Variants in ARFIP1 observed in about 807,000 individuals in gnomAD.
ARFIP1 encodes the protein arfaptin-1.
In ARFIP1, 24 loss-of-function variants were observed where a neutral mutation model predicts 42.5. That is an observed-to-expected ratio of 0.57 (90% confidence interval 0.41 to 0.80). The LOEUF is 0.80. ARFIP1 is among the 30% of genes least tolerant of loss of function. The probability of loss-of-function intolerance (pLI) is 0.00; values close to 1 mark genes in which losing one functional copy is unlikely to be tolerated. For synonymous variants in ARFIP1, 141 were observed against 153.7 expected (o/e 0.92, Z 0.61); for missense variants, 354 against 434.0 (o/e 0.82, Z 1.64).
chr4:152,876,481 A>G (rs1735341144), intron 5 of ARFIP1, among the ~76,000 whole-genome samples: 1 of 152,252 alleles, frequency 6.6e-6, no homozygotes, highest in Admixed American at 6.5e-5. Context: ...AAAGCATTCA[A>G]GTGGTGACTT....
intron 1 of ARFIP1, among the ~76,000 whole-genome samples, chr4:152,787,107 T>C (rs547958892): frequency 6.6e-6 from 1 of 152,358 alleles, no homozygotes; most frequent in African/African-American, 2.4e-5. Context: ...TTTTCTTTTT[T>C]GGCTCATTTT....
chr4:152,897,406 C>T (rs1393511015), intron 8 of ARFIP1, among the ~76,000 whole-genome samples: 5 of 151,962 alleles, frequency 3.3e-5, no homozygotes, highest in Admixed American at 3.3e-4. Flanking sequence ...AAAAGCTTTC[C>T]AGGAAGGATA....
At chr4:152,891,874 A>AT (rs111902405) in intron 8 of ARFIP1, among the ~76,000 whole-genome samples, 73 of 145,440 alleles carry the variant, frequency 5.0e-4, no homozygotes, top group Admixed American at 6.2e-4. Context: ...TGCCCAGTTA[A>AT]TTTTTTTTTT....
chr4:152,808,456 C>G (rs1578842861), intron 1 of ARFIP1, among the ~76,000 whole-genome samples: 1 of 151,350 alleles, frequency 6.6e-6, no homozygotes, highest in Non-Finnish European at 1.5e-5. Flanking sequence ...CTTGTACTTG[C>G]CTTTTAATGG....
At chr4:152,894,881 T>C (rs1737181149) in intron 8 of ARFIP1, among the ~76,000 whole-genome samples, 1 of 152,232 alleles carries the variant, frequency 6.6e-6, no homozygotes, top group Non-Finnish European at 1.5e-5. Flanking sequence ...TGCCGAACAC[T>C]AACATCACTT....
At chr4:152,792,387 C>T (rs1731191392) in intron 1 of ARFIP1, among the ~76,000 whole-genome samples, 1 of 151,748 alleles carries the variant, frequency 6.6e-6, no homozygotes, top group African/African-American at 2.4e-5. Flanking sequence ...GTGAATTTTG[C>T]TTTAGATTCT....
At chr4:152,878,337 C>G (rs576783130) in intron 5 of ARFIP1, among the ~76,000 whole-genome samples, 64 of 152,280 alleles carry the variant, frequency 4.2e-4, no homozygotes, top group African/African-American at 1.4e-3. Flanking sequence ...ATAATATATA[C>G]TGATCTCCAA....
At chr4:152,815,203 CT>C in intron 1 of ARFIP1, among the ~76,000 whole-genome samples, 1 of 152,164 alleles carries the variant, frequency 6.6e-6, no homozygotes, top group South Asian at 2.1e-4. Flanking sequence ...TCTCTACAGA[CT>C]TTCTAGGGCA....
intron 2 of ARFIP1, among the ~76,000 whole-genome samples, chr4:152,848,085 A>G (rs1732707470): frequency 6.6e-6 from 1 of 152,144 alleles, no homozygotes; most frequent in Non-Finnish European, 1.5e-5. Flanking sequence ...GTATTCGTTC[A>G]GTAGAACTAC....
chr4:152,843,707 G>A (rs1395159930), intron 2 of ARFIP1, among the ~76,000 whole-genome samples: 3 of 152,118 alleles, frequency 2.0e-5, no homozygotes, highest in Non-Finnish European at 2.9e-5. Flanking sequence ...GGGAAAGCCG[G>A]CAGTCACAGG....
intron 1 of ARFIP1, 114 bp from the exon 2 acceptor site, chr4:152,829,511 G>T: frequency 1.7e-6 from 1 of 589,052 alleles, no homozygotes; most frequent in Non-Finnish European, 2.9e-6. Context: ...CAAGTATTTG[G>T]TAGGTTGCAA....
chr4:152,908,995 A>G lies in ARFIP1; in HGVS notation c.967-1069A>G, dbSNP rs73863303. On this transcript the variant is annotated intron_variant, in intron 8 of 8. Transcript: ENST00000353617. ...TTTTTTCATTTAGCATCGTGTTTCA[A>G]ATATTTTTACATCATTTATTATTAA... Among the ~76,000 whole-genome samples, 763 of 149,516 alleles carry G rather than the reference A, an allele frequency of 5.1e-3. 4 individuals are homozygous for G. The highest frequency in any genetic ancestry group is 0.018 in the African/African-American group (716 of 40,394).
chr4:152,788,723 T>C (rs1418352184), intron 1 of ARFIP1, among the ~76,000 whole-genome samples: 3 of 151,844 alleles, frequency 2.0e-5, no homozygotes, highest in Non-Finnish European at 4.4e-5. Context: ...CATAGTACAT[T>C]TGTCACAATT....
intron 3 of ARFIP1, among the ~76,000 whole-genome samples, chr4:152,864,536 C>T (rs1308586649): frequency 6.6e-6 from 1 of 152,228 alleles, no homozygotes; most frequent in Non-Finnish European, 1.5e-5. Flanking sequence ...AGCAGTGAGA[C>T]TGACAACATA....
intron 1 of ARFIP1, among the ~76,000 whole-genome samples, chr4:152,789,732 T>C (rs1362362179): frequency 6.6e-6 from 1 of 152,230 alleles, no homozygotes; most frequent in Non-Finnish European, 1.5e-5. Context: ...TATTACTTTG[T>C]TGCTCAAATT....
rs1436214482 is a variant in ARFIP1, at chr4:152,872,516, A to G, written c.363A>G (p.Ala121=). The part of the protein sequence containing the change: ...VILADEIKNP[A]MEKLELVRKW... ...TAGCAGATGAAATTAAAAATCCTGC[A>G]ATGGAAAAGTTAGAACTTGTTAGAA... Residue 121 remains alanine, a synonymous_variant, in exon 5 of 9, where the codon GCA becomes GCG. Transcript: ENST00000353617. 1.2e-6 allele frequency: 2 copies of G among 1,611,882 alleles called. No homozygotes were observed. Among genetic ancestry groups the G allele is most frequent in the Admixed American group, 1.7e-5 (1 of 59,714 alleles).
At chr4:152,849,430 T>C (rs1191222402) in intron 2 of ARFIP1, among the ~76,000 whole-genome samples, 1 of 152,228 alleles carries the variant, frequency 6.6e-6, no homozygotes, top group Admixed American at 6.5e-5. Flanking sequence ...GAAGGAATTA[T>C]TTTGAATGTA....
Position 152,790,529 on chromosome 4 carries a change from A to G in ARFIP1, c.-10+10303A>G, listed in dbSNP as rs530712730. ...CTTCTCATTGGTTTCTCTGTAACAC[A>G]GTCTGAGTGGGGAAATTTAAAAAGA... On this transcript the variant is annotated intron_variant, in intron 1 of 8. Coordinates refer to ENST00000353617, the MANE Select transcript of ARFIP1 (RefSeq NM_001025595.3). Among the ~76,000 whole-genome samples, 6 of 152,318 alleles carry G rather than the reference A, an allele frequency of 3.9e-5. No individual in the cohort carries two copies. The East Asian group carries it at 1.2e-3, about 29-fold the overall frequency.
At chr4:152,790,929 G>T (rs2149815711) in intron 1 of ARFIP1, among the ~76,000 whole-genome samples, 1 of 150,740 alleles carries the variant, frequency 6.6e-6, no homozygotes, top group East Asian at 1.9e-4. Flanking sequence ...ATAGAGACGA[G>T]GTTTTGCCAG....
Sources: gnomAD v4.1 joint callset for allele counts (sites outside exome capture counted in the v4.1 genomes callset) on GRCh38, gnomAD v4.1.1 for gene constraint, MANE v1.5 for transcripts, NCBI Gene and HGNC (gene_info 2026-07-23, HGNC 2026-07-21) for gene names.